PLA2G5: variants seen among roughly 807,000 people sequenced by gnomAD.
PLA2G5 encodes the protein Ca2+-dependent phospholipase A2.
Under a neutral mutation model 15.9 loss-of-function variants are expected in PLA2G5, and 12 were observed. That is an observed-to-expected ratio of 0.76 (90% CI 0.48 to 1.23). The LOEUF is 1.23. Among genes scored for constraint, PLA2G5 ranks in the 50% most tolerant of loss-of-function variants. The pLI, the probability that PLA2G5 is intolerant of heterozygous loss-of-function variation, is 0.00. For missense variants in PLA2G5, 169 were observed against 177.1 expected (o/e 0.95, Z 0.26); for synonymous variants, 71 against 71.4 (o/e 0.99, Z 0.03).
chr1:20,086,906 C>G (rs1200597169), intron 3 of PLA2G5, among the ~76,000 whole-genome samples: 2 of 152,140 alleles, frequency 1.3e-5, no homozygotes, highest in African/African-American at 4.8e-5. Flanking sequence ...GGAAAGCATA[C>G]CCAACTGGGT....
At chr1:20,055,499 A>C (rs556097146) in intron 1 of PLA2G5, among the ~76,000 whole-genome samples, 1 of 152,174 alleles carries the variant, frequency 6.6e-6, no homozygotes, top group Admixed American at 6.5e-5. Context: ...TTGATGACCA[A>C]CTACAGCTCT....
chr1:20,063,188 C>T (rs1468524242), intron 2 of PLA2G5, among the ~76,000 whole-genome samples: 1 of 151,968 alleles, frequency 6.6e-6, no homozygotes, highest in Non-Finnish European at 1.5e-5. Flanking sequence ...GTGAGACCAC[C>T]TCCCTAAAAA....
chr1:20,028,622 G>A (rs956314148), exon 1 of PLA2G5: 1 of 152,256 alleles, frequency 6.6e-6, no homozygotes, highest in Admixed American at 6.5e-5. Context: ...ACTGGACTTA[G>A]TGGAGGAGAA....
At chr1:20,033,649 T>C (rs1322358347) in intron 1 of PLA2G5, among the ~76,000 whole-genome samples, 1 of 152,082 alleles carries the variant, frequency 6.6e-6, no homozygotes, top group Non-Finnish European at 1.5e-5. Context: ...ATGCAATAGT[T>C]TGTGGGGTGT....
intron 1 of PLA2G5, among the ~76,000 whole-genome samples, chr1:20,031,901 CAAGT>C (rs1456833843): frequency 1.3e-5 from 2 of 151,918 alleles, no homozygotes; most frequent in African/African-American, 4.8e-5. Flanking sequence ...TAGGCTGGGG[CAAGT>C]AAGTGTTTGT....
At chr1:20,050,745 G>A (rs1258702477) in intron 1 of PLA2G5, among the ~76,000 whole-genome samples, 1 of 151,956 alleles carries the variant, frequency 6.6e-6, no homozygotes, top group Non-Finnish European at 1.5e-5. Flanking sequence ...TATCACTTTG[G>A]TTAAATGAAT....
chr1:20,049,403 T>G (rs1393861569), intron 1 of PLA2G5, among the ~76,000 whole-genome samples: 1 of 152,162 alleles, frequency 6.6e-6, no homozygotes, highest in South Asian at 2.1e-4. Flanking sequence ...TCTTAAGGAA[T>G]TGATTTATTC....
intron 1 of PLA2G5, among the ~76,000 whole-genome samples, chr1:20,055,219 A>T (rs2014376846): frequency 6.6e-6 from 1 of 152,144 alleles, no homozygotes; most frequent in South Asian, 2.1e-4. Context: ...GTCACAGAAT[A>T]TTGTGTGCTG....
chr1:20,048,857 T>C (rs1340054979), intron 1 of PLA2G5, among the ~76,000 whole-genome samples: 1 of 152,150 alleles, frequency 6.6e-6, no homozygotes, highest in Non-Finnish European at 1.5e-5. Context: ...TGTAGACAAA[T>C]GTCACAATTT....
intron 1 of PLA2G5, among the ~76,000 whole-genome samples, chr1:20,035,858 T>C (rs1468790086): frequency 2.6e-5 from 4 of 152,208 alleles, no homozygotes; most frequent in African/African-American, 9.6e-5. Context: ...TTAAGAAGGT[T>C]CTATTTTGGT....
intron 1 of PLA2G5, among the ~76,000 whole-genome samples, chr1:20,083,416 C>T (rs565718517): frequency 7.9e-5 from 12 of 151,840 alleles, no homozygotes; most frequent in African/African-American, 2.7e-4. Flanking sequence ...CTGGCACAAG[C>T]GACCGTTCAA....
intron 1 of PLA2G5, among the ~76,000 whole-genome samples, chr1:20,080,852 G>A (rs1319755231): frequency 6.6e-6 from 1 of 151,834 alleles, no homozygotes; most frequent in Non-Finnish European, 1.5e-5. Context: ...GGTGCAGAGA[G>A]CAGGGCCGAG....
At chr1:20,035,976 TTATC>T (rs2013230431) in intron 1 of PLA2G5, among the ~76,000 whole-genome samples, 1 of 152,328 alleles carries the variant, frequency 6.6e-6, no homozygotes, top group Admixed American at 6.5e-5. Flanking sequence ...GAAAAGGACT[TTATC>T]TTTCTTTCAT....
chr1:20,076,176 A>G (rs1199273329), intron 1 of PLA2G5, among the ~76,000 whole-genome samples: 1 of 152,138 alleles, frequency 6.6e-6, no homozygotes, highest in African/African-American at 2.4e-5. Flanking sequence ...TGGCCTGGAA[A>G]TGTGGATGTC....
chr1:20,049,537 G>T (rs1424237079), intron 1 of PLA2G5, among the ~76,000 whole-genome samples: 1 of 152,204 alleles, frequency 6.6e-6, no homozygotes, highest in East Asian at 1.9e-4. Flanking sequence ...ACAGTGGGAG[G>T]TTATTGAATC....
intron 1 of PLA2G5, among the ~76,000 whole-genome samples, chr1:20,047,759 T>C (rs1172329079): frequency 6.9e-6 from 1 of 144,194 alleles, no homozygotes; most frequent in Non-Finnish European, 1.5e-5. Context: ...TGTGTGTGTA[T>C]GTGTATATAT....
upstream of PLA2G5, chr1:20,066,175 A>G (rs1268309720): frequency 2.6e-5 from 4 of 152,210 alleles, no homozygotes; most frequent in Non-Finnish European, 4.4e-5. Flanking sequence ...GACATATGAT[A>G]TTGAATGTGT....
intron 1 of PLA2G5, among the ~76,000 whole-genome samples, chr1:20,044,755 G>C (rs943019750): frequency 2.0e-5 from 3 of 152,202 alleles, no homozygotes; most frequent in Middle Eastern, 3.4e-3. Context: ...ATGGAGGAGC[G>C]GAGGCTGAGG....
intron 1 of PLA2G5, among the ~76,000 whole-genome samples, chr1:20,072,629 C>G (rs1235845009): frequency 1.3e-5 from 2 of 152,098 alleles, no homozygotes; most frequent in Non-Finnish European, 2.9e-5. Context: ...CCAAGCTGTG[C>G]GAGGCCATGT....
Sources: gnomAD v4.1 joint callset for allele counts (sites outside exome capture counted in the v4.1 genomes callset) on GRCh38, gnomAD v4.1.1 for gene constraint, MANE v1.5 for transcripts, NCBI Gene and HGNC (gene_info 2026-07-23, HGNC 2026-07-21) for gene names.